The following CLCN1 variants were observed in gnomAD, a reference collection of about 807,000 sequenced individuals.
The protein encoded by CLCN1 is chloride voltage-gated channel 1.
CLCN1 carries 100 observed loss-of-function variants against 114.5 expected under a neutral mutation model. That is an observed-to-expected ratio of 0.87 (90% CI 0.74 to 1.03). CLCN1 has a LOEUF of 1.03. Ranked by LOEUF, CLCN1 falls within the 50% of genes least tolerant of loss-of-function variation. The pLI, the probability that CLCN1 is intolerant of heterozygous loss-of-function variation, is 0.00. For missense variants in CLCN1, 1,188 were observed against 1,250.0 expected, an observed-to-expected ratio of 0.95 and a Z score of 0.75; for synonymous variants, 485 against 487.1, an observed-to-expected ratio of 1.00 and a Z score of 0.06.
At chr7:143,318,006 C>T (rs1436356525) in intron 1 of CLCN1, among the ~76,000 whole-genome samples, 1 of 151,974 alleles carries the variant, frequency 6.6e-6, no homozygotes, top group South Asian at 2.1e-4. Flanking sequence ...GTAGAATTGG[C>T]CTGTTTTCTA....
chr7:143,318,359 A>C (rs1480203904), intron 1 of CLCN1, among the ~76,000 whole-genome samples: 2 of 152,090 alleles, frequency 1.3e-5, no homozygotes, highest in Non-Finnish European at 2.9e-5. Context: ...GGTAGCTGAG[A>C]TTACAGGCAT....
rs1803373595 is a variant in CLCN1 at position 143,350,772 on chromosome 7, ATTTC to A, written c.2595+126_2595+129del. 2 of 718,646 alleles carry A rather than the reference ATTTC, an allele frequency of 2.8e-6. No homozygotes were observed. Among genetic ancestry groups the A allele is most frequent in the Admixed American group, 2.4e-5 (1 of 41,212 alleles). 44.5% of individuals were successfully genotyped at this position (718,646 alleles called of 1,614,324 possible). A position where few individuals can be genotyped will look rare whatever the true frequency, so the allele number is the denominator to read the frequency against. On this transcript the variant is annotated intron_variant, in intron 22 of 22. Transcript: ENST00000343257. The surrounding 1 kb of genome is among the most constrained non-coding windows in gnomAD (Gnocchi z 5.1). The stretch of plus-strand genomic sequence containing the variant: ...GAAGTCCCCTCAGATTCCCTTCTCT[ATTTC>A]TTTCTTTTTTTTTTTTTTGAGACAG...
rs557984988 is a variant in CLCN1 at position 143,326,112 on chromosome 7, G to A, written c.853+1620G>A. Among the ~76,000 whole-genome samples the A allele has an allele frequency of 1.7e-4, 26 of 152,160 alleles. 1 individual carries two copies. The South Asian group carries it at 3.3e-3, about 19-fold the overall frequency. ...GCTCACTGCAACCTCTGTCTCCTGG[G>A]TTCAAGCAATTCTCATGCCTCAGTC... On this transcript the variant is annotated intron_variant, in intron 7 of 22. Transcript: ENST00000343257.
At chr7:143,343,320 C>T (rs1292635127) in intron 16 of CLCN1, among the ~76,000 whole-genome samples, 1 of 152,152 alleles carries the variant, frequency 6.6e-6, no homozygotes, top group Non-Finnish European at 1.5e-5. Context: ...GCAGCAAAAT[C>T]ACCAACACAA....
intron 5 of CLCN1, among the ~76,000 whole-genome samples, chr7:143,322,364 C>T (rs1802464112): frequency 6.6e-6 from 1 of 152,202 alleles, no homozygotes; most frequent in African/African-American, 2.4e-5. Flanking sequence ...CGGTGGGTTG[C>T]AGCCTCCTTC....
chr7:143,323,337 G>A lies in CLCN1; in HGVS notation c.725G>A (p.Cys242Tyr). Residue 242 changes from cysteine to tyrosine, a missense_variant, in exon 6 of 23, where the codon TGT (cysteine) becomes TAT (tyrosine). Cys to Tyr is a radical substitution (Grantham distance 194). Coordinates refer to ENST00000343257, the MANE Select transcript of CLCN1 (RefSeq NM_000083.3). ...EGPFVHIASI[C>Y]AAVLSKFMSV... ...CCCTTCGTCCACATTGCCAGCATCT[G>A]TGCTGCTGTCCTCAGCAAATTCATG... 3 of 1,613,556 alleles carry A rather than the reference G, an allele frequency of 1.9e-6. No individual in the cohort carries two copies. Among genetic ancestry groups the A allele is most frequent in the Non-Finnish European group, 2.5e-6 (3 of 1,179,556 alleles).
chr7:143,334,297 C>T (rs1802812791), intron 12 of CLCN1, among the ~76,000 whole-genome samples: 1 of 151,824 alleles, frequency 6.6e-6, no homozygotes, highest in South Asian at 2.1e-4. Context: ...GCCTAAATAA[C>T]ACAACACTTT....
intron 12 of CLCN1, among the ~76,000 whole-genome samples, chr7:143,338,920 T>A (rs1425493304): frequency 6.6e-6 from 1 of 151,874 alleles, no homozygotes; most frequent in Non-Finnish European, 1.5e-5. Flanking sequence ...ATGGGTACAA[T>A]GGGCTGGGGC....
chr7:143,346,705 T>C, intron 19 of CLCN1, 47 bp downstream of exon 19: 1 of 1,507,328 alleles, frequency 6.6e-7, no homozygotes, highest in Non-Finnish European at 9.2e-7. Flanking sequence ...GAGCCTGCCC[T>C]TGAAGAGTGA....
chr7:143,335,118 G>T (rs966457363), intron 12 of CLCN1, among the ~76,000 whole-genome samples: 3 of 152,136 alleles, frequency 2.0e-5, no homozygotes, highest in Non-Finnish European at 2.9e-5. Flanking sequence ...ATTTTGAAAA[G>T]TCCTGTAGAA....
rs754491771 is a variant in CLCN1, at chr7:143,316,199, C to CG, written c.-8dup. 1.9e-6 allele frequency: 3 copies of CG among 1,601,232 alleles called. No homozygotes were observed. Among genetic ancestry groups the CG allele is most frequent in the Non-Finnish European group, 1.7e-6 (2 of 1,173,698 alleles). ...AGCAGGCCAAGGCCTGGCCGGGGCT[C>CG]GGGGGGAGGGAATATGGAGCAATCC... On this transcript the variant is annotated 5_prime_UTR_variant, in exon 1 of 23. Transcript: ENST00000343257.
chr7:143,338,807 A>G (rs1802994479), intron 12 of CLCN1, among the ~76,000 whole-genome samples: 1 of 146,236 alleles, frequency 6.8e-6, no homozygotes, highest in Non-Finnish European at 1.5e-5. Flanking sequence ...AAAAAAAAAA[A>G]AGAAAAAAAA....
chr7:143,323,300 CT>C lies in CLCN1; in HGVS notation c.697-8del, dbSNP rs1802491327. The C allele has an allele frequency of 6.3e-7, 1 of 1,599,130 alleles. No individual in the cohort carries two copies. Among genetic ancestry groups the C allele is most frequent in the Non-Finnish European group, 8.6e-7 (1 of 1,166,376 alleles). On this transcript the variant is annotated splice_region_variant and splice_polypyrimidine_tract_variant and intron_variant, in intron 5 of 22. Coordinates refer to ENST00000343257, the MANE Select transcript of CLCN1 (RefSeq NM_000083.3). ...TCTGACCCCCGCCCCCTCGCTCCCC[CT>C]CTCCCAGGGCCCCTTCGTCCACATT...
At position 143,351,939 on chromosome 7, in the gene CLCN1, G is replaced by A. The variant is rs1586524391; in HGVS notation, c.2941G>A (p.Glu981Lys). The change falls in exon 23 of 23, where the codon GAG (glutamate) becomes AAG (lysine). Residue 981 changes from glutamate (E) to lysine (K), a missense_variant. Transcript: ENST00000343257. The part of the protein sequence containing the change: ...QGPSLRSTDE[E>K]DEDELIL ...CCCCAGCCTGCGATCCACAGACGAG[G>A]AGGATGAGGATGAACTGATCCTTTG... 4.3e-6 allele frequency: 7 copies of A among 1,613,152 alleles called. No individual in the cohort carries two copies. The highest frequency in any genetic ancestry group is 5.9e-6 in the Non-Finnish European group (7 of 1,180,032).
chr7:143,320,611 T>A, intron 2 of CLCN1, 53 bp from the exon 3 acceptor site: 1 of 1,443,484 alleles, frequency 6.9e-7, no homozygotes. Context: ...ATATTTTTGT[T>A]TGTTTGTTTG....
At chr7:143,335,208 C>T (rs532132485) in intron 12 of CLCN1, among the ~76,000 whole-genome samples, 2 of 152,260 alleles carry the variant, frequency 1.3e-5, no homozygotes, top group East Asian at 1.9e-4. Context: ...GTCTGGATTC[C>T]ACTTCGCAAA....
chr7:143,318,330 C>A (rs531571626), intron 1 of CLCN1, among the ~76,000 whole-genome samples: 31 of 152,170 alleles, frequency 2.0e-4, no homozygotes, highest in Non-Finnish European at 3.8e-4. Flanking sequence ...TCAAGCAATT[C>A]TCCTGCCTCC....
At position 143,346,208 on chromosome 7, in the gene CLCN1, T is replaced by C; in HGVS notation, c.2241T>C (p.Pro747=). Residue 747 remains proline (P), a synonymous_variant, in exon 18 of 23, where the codon CCT becomes CCC. Coordinates refer to ENST00000343257, the MANE Select transcript of CLCN1 (RefSeq NM_000083.3). ...APLSPEEPNG[P]LPGHKQQPEA... ...TGTCCCCAGAAGAGCCCAATGGGCC[T>C]CTGCCTGGCCACAAACAGCAGCCGG... The C allele has an allele frequency of 6.2e-7, 1 of 1,613,712 alleles. No homozygotes were observed. The highest frequency in any genetic ancestry group is 1.3e-5 in the African/African-American group (1 of 74,914).
At chr7:143,335,656 G>GTTTTTTTTTTTTTTTTT (rs199928109) in intron 12 of CLCN1, among the ~76,000 whole-genome samples, 1 of 107,236 alleles carries the variant, frequency 9.3e-6, no homozygotes. Flanking sequence ...CAATTCAGCT[G>GTTTTTTTTTTTTTTTTT]TTTTGTTTTT....
Sources: gnomAD v4.1 joint callset for allele counts (sites outside exome capture counted in the v4.1 genomes callset) on GRCh38, gnomAD v4.1.1 for gene constraint, Gnocchi (gnomAD v3.1) non-coding constraint, MANE v1.5 for transcripts, NCBI Gene and HGNC (gene_info 2026-07-23, HGNC 2026-07-21) for gene names.